WWOX: variants seen among roughly 807,000 people sequenced by gnomAD.
WWOX encodes the protein WW domain containing oxidoreductase.
In WWOX, 69 loss-of-function variants were observed where a neutral mutation model predicts 46.2. That is an observed-to-expected ratio of 1.49 (90% CI 1.23 to 1.82). The LOEUF is 1.82. Among genes scored for constraint, WWOX ranks in the 40% most tolerant of loss-of-function variants. WWOX has a pLI of 0.00. For synonymous variants in WWOX, 359 were observed against 202.6 expected (o/e 1.77, Z -6.56); for missense variants, 919 against 542.6 (o/e 1.69, Z -6.89).
At chr16:78,254,615 C>A (rs954210679) in intron 5 of WWOX, among the ~76,000 whole-genome samples, 1 of 148,818 alleles carries the variant, frequency 6.7e-6, no homozygotes. Context: ...AAGTGATCCT[C>A]CCACCTCAGC....
chr16:78,874,235 G>A (rs1438104291), intron 8 of WWOX, among the ~76,000 whole-genome samples: 1 of 144,398 alleles, frequency 6.9e-6, no homozygotes, highest in Non-Finnish European at 1.5e-5. Flanking sequence ...TAGCATGGGC[G>A]ACAGAGCGAG....
At chr16:78,973,774 C>G (rs2046517819) in intron 8 of WWOX, among the ~76,000 whole-genome samples, 1 of 152,172 alleles carries the variant, frequency 6.6e-6, no homozygotes, top group African/African-American at 2.4e-5. Flanking sequence ...TTTAATGACA[C>G]AAGTTTCTGT....
intron 8 of WWOX, among the ~76,000 whole-genome samples, chr16:78,672,745 A>ATT (rs1189558317): frequency 5.9e-5 from 9 of 152,172 alleles, no homozygotes; most frequent in Non-Finnish European, 4.4e-5. Flanking sequence ...GCAGCCCCCC[A>ATT]TTTTAGGGTC....
chr16:78,514,575 C>T lies in WWOX; in HGVS notation c.1056+81823C>T, dbSNP rs561337153. Among the ~76,000 whole-genome samples the T allele has an allele frequency of 2.0e-5, 3 of 152,240 alleles. No individual in the cohort carries two copies. In the East Asian group the frequency reaches 5.8e-4, roughly 29 times the overall value. On this transcript the variant is annotated intron_variant, in intron 8 of 8. Transcript: ENST00000566780. ...GAGCTCTTGGTGCTGATAACAGCTTCCTTGACCGATAAGTGTACCAGATTT... is the reference window on the plus strand; with the variant it reads ...GAGCTCTTGGTGCTGATAACAGCTTTCTTGACCGATAAGTGTACCAGATTT...
chr16:78,784,329 G>C (rs1344900075), intron 8 of WWOX, among the ~76,000 whole-genome samples: 4 of 152,092 alleles, frequency 2.6e-5, no homozygotes, highest in Non-Finnish European at 4.4e-5. Context: ...TTGTGACCCT[G>C]ATGAGATTAC....
At chr16:79,012,346 C>G (rs1286298115) in intron 8 of WWOX, among the ~76,000 whole-genome samples, 3 of 152,110 alleles carry the variant, frequency 2.0e-5, no homozygotes, top group Non-Finnish European at 4.4e-5. Context: ...AATTCTCCTA[C>G]CTCAGCCTCC....
chr16:79,047,529 C>T (rs1157880258), intron 8 of WWOX, among the ~76,000 whole-genome samples: 2 of 152,144 alleles, frequency 1.3e-5, no homozygotes, highest in Admixed American at 6.5e-5. Flanking sequence ...GTCTTGAACT[C>T]CCTCTAGGGG....
chr16:78,716,927 A>G (rs903188167), intron 8 of WWOX, among the ~76,000 whole-genome samples: 1 of 152,150 alleles, frequency 6.6e-6, no homozygotes, highest in East Asian at 1.9e-4. Context: ...TCAAAAGGGC[A>G]TATCCTGCCC....
At chr16:78,634,101 C>T (rs909892663) in intron 8 of WWOX, among the ~76,000 whole-genome samples, 2 of 152,078 alleles carry the variant, frequency 1.3e-5, no homozygotes, top group Non-Finnish European at 2.9e-5. Context: ...GTTGGAGATG[C>T]AGCTATATGA....
intron 8 of WWOX, among the ~76,000 whole-genome samples, chr16:78,887,302 A>C (rs112433292): frequency 2.0e-5 from 3 of 152,078 alleles, no homozygotes; most frequent in African/African-American, 7.2e-5. Context: ...CTGACTCTCT[A>C]TGCAGCCCAA....
intron 8 of WWOX, among the ~76,000 whole-genome samples, chr16:79,125,825 A>C (rs2049741324): frequency 6.6e-6 from 1 of 152,350 alleles, no homozygotes; most frequent in Non-Finnish European, 1.5e-5. Flanking sequence ...TTGAGCAAAC[A>C]ATTAGCATTT....
intron 5 of WWOX, among the ~76,000 whole-genome samples, chr16:78,353,071 G>A (rs745927391): frequency 3.2e-4 from 49 of 151,962 alleles, no homozygotes; most frequent in African/African-American, 7.7e-4. Flanking sequence ...TCAGATTTTT[G>A]TATGAGGAAT....
intron 6 of WWOX, among the ~76,000 whole-genome samples, chr16:78,407,714 G>C (rs1278994778): frequency 2.0e-5 from 3 of 152,120 alleles, no homozygotes; most frequent in Non-Finnish European, 2.9e-5. Context: ...TCCAGCTTCA[G>C]TGATATATTG....
At chr16:78,587,216 T>TTTTTTTG (rs2045230607) in intron 8 of WWOX, among the ~76,000 whole-genome samples, 1 of 134,988 alleles carries the variant, frequency 7.4e-6, no homozygotes, top group African/African-American at 3.0e-5. Flanking sequence ...TTTTTTTTTT[T>TTTTTTTG]GTAGAAACAG....
intron 8 of WWOX, chr16:78,996,113 A>G (rs756943346): frequency 7.3e-6 from 6 of 816,452 alleles, no homozygotes; most frequent in South Asian, 1.1e-4. Flanking sequence ...GGCCCCTTCC[A>G]TGAAAGTCAG....
intron 8 of WWOX, among the ~76,000 whole-genome samples, chr16:79,198,469 T>G (rs1247286437): frequency 1.3e-5 from 2 of 152,242 alleles, no homozygotes; most frequent in Admixed American, 1.3e-4. Flanking sequence ...TATTTTCCCA[T>G]GGGCAATTAA....
At chr16:78,940,607 C>G (rs766602779) in intron 8 of WWOX, among the ~76,000 whole-genome samples, 2 of 151,990 alleles carry the variant, frequency 1.3e-5, no homozygotes, top group Non-Finnish European at 2.9e-5. Context: ...GCTCTAATCT[C>G]CACAGAAGTT....
At chr16:79,103,791 G>A (rs772197746) in intron 8 of WWOX, among the ~76,000 whole-genome samples, 7 of 152,042 alleles carry the variant, frequency 4.6e-5, no homozygotes, top group Non-Finnish European at 1.0e-4. Context: ...GGTAAGGAGA[G>A]CTGCAAATGG....
At chr16:78,589,406 G>T (rs377433981) in intron 8 of WWOX, among the ~76,000 whole-genome samples, 1 of 152,256 alleles carries the variant, frequency 6.6e-6, no homozygotes, top group East Asian at 1.9e-4. Flanking sequence ...GTTGGTATCC[G>T]CAGAGGTTGT....
Sources: allele counts gnomAD v4.1 joint callset (sites outside exome capture counted in the v4.1 genomes callset), GRCh38; gene constraint gnomAD v4.1.1; transcripts MANE v1.5; gene names NCBI Gene and HGNC (gene_info 2026-07-23, HGNC 2026-07-21).